Variants in RPS6KC1 observed in about 807,000 individuals in gnomAD.
RPS6KC1 encodes the protein ribosomal protein S6 kinase C1.
A neutral mutation model predicts 103.8 loss-of-function variants in RPS6KC1; 54 were observed. That is an observed-to-expected ratio of 0.52 (90% CI 0.42 to 0.65). The LOEUF is 0.65. Among genes scored for constraint, RPS6KC1 ranks in the 30% least tolerant of loss-of-function variants. The probability of loss-of-function intolerance (pLI) is 0.00; values close to 1 mark genes in which losing one functional copy is unlikely to be tolerated. For synonymous variants in RPS6KC1, 439 were observed against 438.7 expected, an observed-to-expected ratio of 1.00 and a Z score of -0.01; for missense variants, 1,151 against 1,253.8, an observed-to-expected ratio of 0.92 and a Z score of 1.24.
At chr1:213,490,077 G>C in the RPS6KC1 span, among the ~76,000 whole-genome samples, 1 of 152,174 alleles carries the variant, frequency 6.6e-6, no homozygotes, top group South Asian at 2.1e-4. Context: ...TCTTAGTTAG[G>C]GGTTTGTGAC....
At chr1:213,844,181 A>C in the RPS6KC1 span, among the ~76,000 whole-genome samples, 2 of 152,266 alleles carry the variant, frequency 1.3e-5, no homozygotes, top group Non-Finnish European at 1.5e-5. Context: ...TGGTTATCAA[A>C]ATTTTAGAAA....
the RPS6KC1 span, among the ~76,000 whole-genome samples, chr1:213,287,308 T>C: frequency 2.0e-5 from 3 of 151,942 alleles, no homozygotes; most frequent in South Asian, 6.2e-4. Flanking sequence ...AGCATCTGGA[T>C]GCTGGCTATC....
intron 8 of RPS6KC1, among the ~76,000 whole-genome samples, chr1:213,224,867 A>G (rs1000239361): frequency 1.3e-5 from 2 of 152,226 alleles, no homozygotes; most frequent in African/African-American, 4.8e-5. Context: ...GCAGCACCAT[A>G]GCACTGTTCA....
chr1:213,194,926 TG>T (rs998986409), intron 8 of RPS6KC1, among the ~76,000 whole-genome samples: 1 of 152,180 alleles, frequency 6.6e-6, no homozygotes, highest in Non-Finnish European at 1.5e-5. Context: ...TGGTGACTGC[TG>T]GTTTATATAA....
At chr1:213,621,823 T>C in the RPS6KC1 span, among the ~76,000 whole-genome samples, 2 of 152,122 alleles carry the variant, frequency 1.3e-5, no homozygotes, top group Non-Finnish European at 2.9e-5. Flanking sequence ...GCAGGTACCA[T>C]ACCCTGAAGT....
the RPS6KC1 span, among the ~76,000 whole-genome samples, chr1:213,395,976 G>A: frequency 1.3e-5 from 2 of 152,208 alleles, no homozygotes; most frequent in Non-Finnish European, 2.9e-5. Flanking sequence ...GATGTGAAAG[G>A]ATTCGGGATT....
At chr1:213,373,893 C>T in the RPS6KC1 span, among the ~76,000 whole-genome samples, 1 of 152,168 alleles carries the variant, frequency 6.6e-6, no homozygotes, top group East Asian at 1.9e-4. Flanking sequence ...CCCTTTATCG[C>T]CACCGAAACC....
At chr1:213,720,824 G>A in the RPS6KC1 span, among the ~76,000 whole-genome samples, 239 of 152,324 alleles carry the variant, frequency 1.6e-3, 1 homozygote, top group Admixed American at 2.9e-3. Flanking sequence ...TTATGCAACT[G>A]AGAAGACCTC....
At chr1:213,135,302 C>A (rs1000343706) in intron 6 of RPS6KC1, among the ~76,000 whole-genome samples, 2 of 151,952 alleles carry the variant, frequency 1.3e-5, no homozygotes, top group African/African-American at 4.8e-5. Flanking sequence ...TAAGTTTGAA[C>A]CCAGTTGTGC....
chr1:213,551,947 A>AT, the RPS6KC1 span, among the ~76,000 whole-genome samples: 1 of 152,184 alleles, frequency 6.6e-6, no homozygotes, highest in Non-Finnish European at 1.5e-5. Flanking sequence ...ATAGTTTGGA[A>AT]TTATATAGCA....
At chr1:213,578,515 C>T in the RPS6KC1 span, among the ~76,000 whole-genome samples, 2 of 152,166 alleles carry the variant, frequency 1.3e-5, no homozygotes, top group Admixed American at 1.3e-4. Flanking sequence ...CAGCCAGTAG[C>T]GGGACTGTAC....
the RPS6KC1 span, among the ~76,000 whole-genome samples, chr1:213,768,353 C>G: frequency 1.3e-5 from 2 of 152,112 alleles, no homozygotes; most frequent in African/African-American, 4.8e-5. Context: ...TTAGTTTCCC[C>G]TACTCCTATG....
chr1:213,367,126 T>A, the RPS6KC1 span, among the ~76,000 whole-genome samples: 2 of 152,214 alleles, frequency 1.3e-5, no homozygotes, highest in South Asian at 4.1e-4. Context: ...AAATGGTATA[T>A]CCACTGTTGG....
the RPS6KC1 span, among the ~76,000 whole-genome samples, chr1:213,327,040 C>CT: frequency 7.5e-3 from 1,024 of 136,796 alleles, 8 homozygotes; most frequent in South Asian, 0.016. Context: ...TTTTCTTTTT[C>CT]TTTTTTTTTT....
chr1:213,759,182 A>G, the RPS6KC1 span, among the ~76,000 whole-genome samples: 1 of 152,212 alleles, frequency 6.6e-6, no homozygotes, highest in Admixed American at 6.5e-5. Flanking sequence ...CTTCACCAGC[A>G]AAAAGATTAT....
chr1:213,522,045 A>G, the RPS6KC1 span, among the ~76,000 whole-genome samples: 4 of 152,384 alleles, frequency 2.6e-5, no homozygotes, highest in South Asian at 2.1e-4. Context: ...CCCCAGATTC[A>G]TCAGAGGAAT....
chr1:213,528,959 A>G, the RPS6KC1 span, among the ~76,000 whole-genome samples: 1 of 152,212 alleles, frequency 6.6e-6, no homozygotes, highest in Non-Finnish European at 1.5e-5. Flanking sequence ...TAATTAAAGC[A>G]TTCATTCATT....
chr1:213,388,291 C>T, the RPS6KC1 span, among the ~76,000 whole-genome samples: 3 of 152,234 alleles, frequency 2.0e-5, no homozygotes, highest in East Asian at 1.9e-4. Flanking sequence ...GGCACGAAGA[C>T]GTGGCACACA....
At chr1:213,861,688 C>T in the RPS6KC1 span, among the ~76,000 whole-genome samples, 1 of 152,232 alleles carries the variant, frequency 6.6e-6, no homozygotes, top group Non-Finnish European at 1.5e-5. Context: ...ACTGGAGTCG[C>T]AGCCTACCTT....
Sources: gnomAD v4.1 joint callset for allele counts (sites outside exome capture counted in the v4.1 genomes callset) on GRCh38, gnomAD v4.1.1 for gene constraint, MANE v1.5 for transcripts, NCBI Gene and HGNC (gene_info 2026-07-23, HGNC 2026-07-21) for gene names.